Variants in SPATA6 observed in about 807,000 individuals in gnomAD.
The protein encoded by SPATA6 is spermatogenesis-associated protein 6.
A neutral mutation model predicts 65.3 loss-of-function variants in SPATA6; 56 were observed. That is an observed-to-expected ratio of 0.86 (90% CI 0.69 to 1.07). SPATA6 has a LOEUF of 1.07. Ranked by LOEUF, SPATA6 falls within the 50% of genes least tolerant of loss-of-function variation. The pLI is 0.00. For synonymous variants in SPATA6, 199 were observed against 213.2 expected (o/e 0.93, Z 0.58); for missense variants, 590 against 594.8 (o/e 0.99, Z 0.08).
chr1:48,289,083 G>A, the SPATA6 span, among the ~76,000 whole-genome samples: 1 of 152,200 alleles, frequency 6.6e-6, no homozygotes. Context: ...GCCTAACTAG[G>A]AGGCACCTCC....
chr1:48,300,879 C>A (rs1406334342), intron 12 of SPATA6, among the ~76,000 whole-genome samples: 1 of 152,026 alleles, frequency 6.6e-6, no homozygotes, highest in African/African-American at 2.4e-5. Context: ...TAATAAAACC[C>A]CTCCATAAAC....
chr1:48,320,827 A>G (rs1051579277), intron 11 of SPATA6, among the ~76,000 whole-genome samples: 3 of 152,220 alleles, frequency 2.0e-5, no homozygotes. Context: ...TAGACAGTAA[A>G]GTAAGATAAA....
At chr1:48,410,048 T>C (rs939675450) in intron 5 of SPATA6, among the ~76,000 whole-genome samples, 5 of 152,228 alleles carry the variant, frequency 3.3e-5, no homozygotes, top group African/African-American at 1.2e-4. Context: ...TGAATTTTCT[T>C]TTCTATCCCA....
At chr1:48,429,862 T>C (rs1654239404) in intron 3 of SPATA6, among the ~76,000 whole-genome samples, 1 of 152,048 alleles carries the variant, frequency 6.6e-6, no homozygotes, top group Non-Finnish European at 1.5e-5. Flanking sequence ...ATTTACTAGA[T>C]TGACTCAAAA....
chr1:48,399,181 G>C lies in SPATA6; in HGVS notation c.780+170C>G, dbSNP rs146117019. On this transcript the variant is annotated intron_variant, in intron 7 of 12. Transcript: ENST00000371847. ...TGTCAGGTCTGAAGACTGAAAAAAA[G>C]CAAGTTCTTTCATTCTAAATTAATT... The C allele has an allele frequency of 6.4e-6, 5 of 787,176 alleles. No homozygotes were observed. The African/African-American group carries it at 8.7e-5, about 14-fold the overall frequency. 48.8% of individuals were successfully genotyped at this position (787,176 alleles called of 1,614,324 possible). A position where few individuals can be genotyped will look rare whatever the true frequency, so the allele number is the denominator to read the frequency against.
intron 12 of SPATA6, among the ~76,000 whole-genome samples, chr1:48,303,327 T>A (rs535965875): frequency 4.1e-4 from 62 of 152,236 alleles, no homozygotes; most frequent in African/African-American, 1.5e-3. Context: ...AAATTTTTGT[T>A]AACTATGGTC....
At chr1:48,443,206 G>A (rs1003860710) in intron 3 of SPATA6, among the ~76,000 whole-genome samples, 7 of 152,138 alleles carry the variant, frequency 4.6e-5, no homozygotes, top group African/African-American at 1.4e-4. Flanking sequence ...GACTGAACGA[G>A]GTTTTATTAA....
the SPATA6 span, among the ~76,000 whole-genome samples, chr1:48,282,500 A>G: frequency 6.6e-6 from 1 of 152,208 alleles, no homozygotes; most frequent in Admixed American, 6.5e-5. Flanking sequence ...AAAAAAACAA[A>G]CAACCCCATC....
In SPATA6 at chr1:48,411,449, AT is replaced by A. The variant is rs1159004145; in HGVS notation, c.405+14del. 1.3e-6 allele frequency: 2 copies of A among 1,598,368 alleles called. No individual in the cohort carries two copies. The highest frequency in any genetic ancestry group is 2.7e-5 in the African/African-American group (2 of 74,510). ...TTTCCATCAAAAACTGATTCAGAAA[AT>A]TGCAAGCACTTACTCGAAGGCCAGA... On this transcript the variant is annotated intron_variant, in intron 5 of 12. Transcript: ENST00000371847.
intron 3 of SPATA6, among the ~76,000 whole-genome samples, chr1:48,426,058 A>G (rs1270321999): frequency 6.6e-6 from 1 of 152,224 alleles, no homozygotes; most frequent in Non-Finnish European, 1.5e-5. Flanking sequence ...ACAGAGTGGG[A>G]CAAGATACTT....
At chr1:48,444,166 T>C (rs916240450) in intron 3 of SPATA6, among the ~76,000 whole-genome samples, 3 of 152,224 alleles carry the variant, frequency 2.0e-5, no homozygotes, top group East Asian at 1.9e-4. Flanking sequence ...AGCTAAAGGA[T>C]TGTAAATGCA....
chr1:48,336,533 A>G (rs1466515585), intron 11 of SPATA6, among the ~76,000 whole-genome samples: 1 of 152,100 alleles, frequency 6.6e-6, no homozygotes, highest in African/African-American at 2.4e-5. Flanking sequence ...GCAGGAACAT[A>G]AAACCAAATA....
chr1:48,331,990 G>A (rs1463434922), intron 11 of SPATA6, among the ~76,000 whole-genome samples: 1 of 152,212 alleles, frequency 6.6e-6, no homozygotes, highest in East Asian at 1.9e-4. Flanking sequence ...ATAAATGAAG[G>A]AGAAATATGA....
intron 9 of SPATA6, among the ~76,000 whole-genome samples, chr1:48,367,269 T>A (rs1482850236): frequency 6.6e-6 from 1 of 152,204 alleles, no homozygotes; most frequent in Non-Finnish European, 1.5e-5. Context: ...GAATGTATAT[T>A]CTGTTGATTT....
intron 8 of SPATA6, among the ~76,000 whole-genome samples, chr1:48,390,710 G>C (rs1890319): frequency 3.3e-5 from 5 of 152,218 alleles, no homozygotes; most frequent in Non-Finnish European, 7.3e-5. Flanking sequence ...TCAATTTTTA[G>C]AACAGAAAAT....
the SPATA6 span, among the ~76,000 whole-genome samples, chr1:48,274,858 T>G: frequency 2.0e-5 from 3 of 152,212 alleles, no homozygotes; most frequent in Non-Finnish European, 4.4e-5. Flanking sequence ...TAAAGTAGTT[T>G]TTTCTAATTC....
At chr1:48,367,394 G>A (rs1464171692) in intron 9 of SPATA6, among the ~76,000 whole-genome samples, 3 of 151,998 alleles carry the variant, frequency 2.0e-5, no homozygotes, top group African/African-American at 4.8e-5. Flanking sequence ...TTGACAGTGG[G>A]GTGTTAAAGT....
intron 8 of SPATA6, among the ~76,000 whole-genome samples, chr1:48,388,604 T>A (rs1359272150): frequency 4.0e-5 from 6 of 151,846 alleles, no homozygotes; most frequent in African/African-American, 1.5e-4. Context: ...AGAAAAATAA[T>A]GCAGGACGTG....
At chr1:48,356,510 CTTTTTTTTTT>C (rs910154922) in intron 10 of SPATA6, among the ~76,000 whole-genome samples, 3 of 122,736 alleles carry the variant, frequency 2.4e-5, no homozygotes, top group African/African-American at 9.1e-5. Flanking sequence ...TTTGTCCTTT[CTTTTTTTTTT>C]TTTTTTTTTT....
Sources: allele counts gnomAD v4.1 joint callset (sites outside exome capture counted in the v4.1 genomes callset), GRCh38; gene constraint gnomAD v4.1.1; transcripts MANE v1.5; gene names NCBI Gene and HGNC (gene_info 2026-07-23, HGNC 2026-07-21).